Variants in GMPS observed in about 807,000 individuals in gnomAD.
GMPS encodes guanosine monophosphate synthase.
Under a neutral mutation model 77.9 loss-of-function variants are expected in GMPS, and 15 were observed. The observed-to-expected ratio is 0.19, with a 90% CI of 0.13 to 0.30. The LOEUF (loss-of-function observed/expected upper bound fraction) is 0.30, where lower values mean the gene tolerates loss of function less well. GMPS is among the 10% of genes least tolerant of loss of function. The probability of loss-of-function intolerance (pLI) is 1.00; values close to 1 mark genes in which losing one functional copy is unlikely to be tolerated. For synonymous variants in GMPS, 224 were observed against 275.9 expected (o/e 0.81, Z 1.86); for missense variants, 590 against 838.8 (o/e 0.70, Z 3.66).
chr3:155,890,884 G>A (rs1337491008), intron 1 of GMPS, among the ~76,000 whole-genome samples: 1 of 152,082 alleles, frequency 6.6e-6, no homozygotes, highest in Non-Finnish European at 1.5e-5. Context: ...TTTCTTTGCT[G>A]CATTTTCATC....
chr3:155,909,143 CT>C (rs1754967136), intron 5 of GMPS, among the ~76,000 whole-genome samples: 1 of 152,134 alleles, frequency 6.6e-6, no homozygotes, highest in Non-Finnish European at 1.5e-5. Context: ...GATTTAGTTA[CT>C]TAATTACCTG....
chr3:155,929,380 A>G (rs1390403411), intron 12 of GMPS, among the ~76,000 whole-genome samples: 2 of 152,116 alleles, frequency 1.3e-5, no homozygotes, highest in African/African-American at 4.8e-5. Context: ...AATAAGAGCT[A>G]TCTATGACAA....
At chr3:155,898,287 A>G (rs1754649683) in intron 3 of GMPS, among the ~76,000 whole-genome samples, 2 of 152,220 alleles carry the variant, frequency 1.3e-5, no homozygotes, top group African/African-American at 4.8e-5. Flanking sequence ...AAAACCTTGG[A>G]CATGCAAATT....
In GMPS at chr3:155,925,309, T is replaced by C; in HGVS notation, c.1503T>C (p.Ile501=). The part of the protein sequence containing the change: ...TEEDQEKLMQ[I]TSLHSLNAFL... ...AGGATCAGGAGAAGCTGATGCAAAT[T>C]ACCAGTCTGCATTCACTGAATGCCT... Residue 501 remains isoleucine (I), a synonymous_variant, in exon 12 of 16, where the codon ATT becomes ATC. Coordinates refer to ENST00000496455, the MANE Select transcript of GMPS (RefSeq NM_003875.3). 1.2e-6 allele frequency: 2 copies of C among 1,611,124 alleles called. No individual in the cohort carries two copies. The highest frequency in any genetic ancestry group is 1.7e-6 in the Non-Finnish European group (2 of 1,177,356).
chr3:155,935,514 C>T (rs1471441690), intron 14 of GMPS, among the ~76,000 whole-genome samples: 1 of 152,094 alleles, frequency 6.6e-6, no homozygotes, highest in Non-Finnish European at 1.5e-5. Context: ...AATGTTGCTT[C>T]TAAATAAAAT....
intron 9 of GMPS, among the ~76,000 whole-genome samples, chr3:155,918,994 T>A (rs1755253532): frequency 6.6e-6 from 1 of 152,210 alleles, no homozygotes; most frequent in Admixed American, 6.5e-5. Context: ...TTACCCTGAT[T>A]TATTTATATT....
intron 12 of GMPS, among the ~76,000 whole-genome samples, chr3:155,930,323 C>T (rs556917912): frequency 1.4e-5 from 2 of 147,304 alleles, no homozygotes. Context: ...AAAGCTGAAA[C>T]TGGATCCCTT....
chr3:155,872,918 C>T (rs1203258639), intron 1 of GMPS, among the ~76,000 whole-genome samples: 1 of 152,140 alleles, frequency 6.6e-6, no homozygotes, highest in East Asian at 1.9e-4. Context: ...TGATCATAAA[C>T]ATTTTAAGTA....
intron 5 of GMPS, among the ~76,000 whole-genome samples, 182 bp from the exon 6 acceptor site, chr3:155,910,510 A>C (rs1246659644): frequency 6.7e-6 from 1 of 148,492 alleles, no homozygotes; most frequent in Non-Finnish European, 1.5e-5. Flanking sequence ...CAGAGGTTGC[A>C]GTGAGCCGAG....
intron 1 of GMPS, among the ~76,000 whole-genome samples, chr3:155,888,524 G>A (rs190811868): frequency 6.6e-6 from 1 of 151,634 alleles, no homozygotes; most frequent in African/African-American, 2.4e-5. Context: ...CAACCTCCTG[G>A]GCTCCTCTCA....
chr3:155,871,329 C>A lies in GMPS; in HGVS notation c.27+432C>A, dbSNP rs376628880. The stretch of plus-strand genomic sequence containing the variant: ...GGGGCCCGTTGTGGCGATCCCGGGG[C>A]CCGCCGAAGGCAGGGCAGGGTCGGG... On this transcript the variant is annotated intron_variant, in intron 1 of 15. Coordinates refer to ENST00000496455, the MANE Select transcript of GMPS (RefSeq NM_003875.3). Among the ~76,000 whole-genome samples, 9 of 152,172 alleles carry A rather than the reference C, an allele frequency of 5.9e-5. No homozygotes were observed. The East Asian group carries it at 1.7e-3, about 29-fold the overall frequency.
At chr3:155,928,578 C>T (rs1755515128) in intron 12 of GMPS, among the ~76,000 whole-genome samples, 1 of 150,946 alleles carries the variant, frequency 6.6e-6, no homozygotes, top group Non-Finnish European at 1.5e-5. Context: ...GGTACATGTG[C>T]ACATTGTGCA....
intron 13 of GMPS, among the ~76,000 whole-genome samples, chr3:155,933,052 C>T (rs972417974): frequency 1.3e-5 from 2 of 152,056 alleles, no homozygotes; most frequent in Non-Finnish European, 2.9e-5. Context: ...ATTAGCCAGG[C>T]ATGGTGGTGT....
At chr3:155,874,901 CTTTTTT>C (rs1171275758) in intron 1 of GMPS, among the ~76,000 whole-genome samples, 3 of 71,414 alleles carry the variant, frequency 4.2e-5, no homozygotes, top group South Asian at 5.6e-4. Context: ...ACTTTGTTTT[CTTTTTT>C]TTTTTTTTTT....
intron 13 of GMPS, among the ~76,000 whole-genome samples, chr3:155,933,970 A>G (rs1432218396): frequency 6.6e-6 from 1 of 152,234 alleles, no homozygotes; most frequent in Admixed American, 6.5e-5. Flanking sequence ...CATTTATATA[A>G]AACACTAATG....
intron 4 of GMPS, among the ~76,000 whole-genome samples, chr3:155,905,909 A>G (rs1278214076): frequency 2.0e-5 from 3 of 152,172 alleles, no homozygotes; most frequent in Non-Finnish European, 4.4e-5. Context: ...TGGTTATACT[A>G]CCAACTTCAT....
intron 1 of GMPS, among the ~76,000 whole-genome samples, chr3:155,874,768 T>G (rs1304940289): frequency 6.6e-6 from 1 of 152,204 alleles, no homozygotes; most frequent in East Asian, 1.9e-4. Flanking sequence ...CTTATACTTG[T>G]ACAAATGTAT....
chr3:155,942,606 C>A lies in GMPS; in HGVS notation c.*4914C>A, dbSNP rs915739103. 3 of 228,976 alleles carry A rather than the reference C, an allele frequency of 1.3e-5. No individual in the cohort carries two copies. In the East Asian group the frequency reaches 1.9e-4, roughly 14 times the overall value. 14.2% of individuals were successfully genotyped at this position (228,976 alleles called of 1,614,324 possible). A position where few individuals can be genotyped will look rare whatever the true frequency, so the allele number is the denominator to read the frequency against. ...CACCTATATTATGTTGTGTGTCAGA[C>A]ACTCCCAGGACCTGTTTGGTAATAA... On this transcript the variant is annotated 3_prime_UTR_variant, in exon 16 of 16. Coordinates refer to ENST00000496455, the MANE Select transcript of GMPS (RefSeq NM_003875.3).
At chr3:155,932,093 A>G (rs1372584199) in intron 13 of GMPS, among the ~76,000 whole-genome samples, 1 of 152,182 alleles carries the variant, frequency 6.6e-6, no homozygotes, top group Non-Finnish European at 1.5e-5. Context: ...CTTCATCACA[A>G]TGTAGTCATC....
Sources: allele counts gnomAD v4.1 joint callset (sites outside exome capture counted in the v4.1 genomes callset), GRCh38; gene constraint gnomAD v4.1.1; transcripts MANE v1.5; gene names NCBI Gene and HGNC (gene_info 2026-07-23, HGNC 2026-07-21).